The following PALLD variants were observed in gnomAD, a reference collection of about 807,000 sequenced individuals.
PALLD encodes the protein palladin.
A neutral mutation model predicts 123.5 loss-of-function variants in PALLD; 61 were observed. The observed-to-expected ratio is 0.49, with a 90% confidence interval of 0.40 to 0.61. PALLD has a LOEUF of 0.61. PALLD is among the 20% of genes least tolerant of loss of function. The probability of loss-of-function intolerance (pLI) is 0.00; values close to 1 mark genes in which losing one functional copy is unlikely to be tolerated. For missense variants in PALLD, 1,273 were observed against 1,377.0 expected (o/e 0.92, Z 1.20); for synonymous variants, 465 against 496.4 (o/e 0.94, Z 0.84).
At chr4:168,593,460 A>G (rs535176276) in intron 2 of PALLD, among the ~76,000 whole-genome samples, 1 of 149,020 alleles carries the variant, frequency 6.7e-6, no homozygotes, top group African/African-American at 2.5e-5. Context: ...AAAAAGGAAG[A>G]CGAGTCCAAT....
intron 8 of PALLD, among the ~76,000 whole-genome samples, chr4:168,694,523 T>TC (rs1490570803): frequency 6.6e-6 from 1 of 152,160 alleles, no homozygotes; most frequent in Non-Finnish European, 1.5e-5. Flanking sequence ...TCTTTTTATT[T>TC]ATTTTTTCTT....
At chr4:168,542,025 C>G (rs1205982318) in intron 2 of PALLD, among the ~76,000 whole-genome samples, 2 of 152,214 alleles carry the variant, frequency 1.3e-5, no homozygotes, top group East Asian at 3.9e-4. Context: ...TTTGCGTTAT[C>G]ACTATGTGCT....
chr4:168,507,395 C>T (rs1962363), intron 1 of PALLD: 72,239 of 182,198 alleles, frequency 0.4, 15,269 homozygotes, highest in East Asian at 0.55. Flanking sequence ...CACATCTAAT[C>T]GCTGTCTAGG....
chr4:168,706,142 A>T (rs1207012753), intron 8 of PALLD, among the ~76,000 whole-genome samples: 1 of 152,170 alleles, frequency 6.6e-6, no homozygotes, highest in East Asian at 1.9e-4. Context: ...AACTATGCCC[A>T]CTGAACAGCA....
At chr4:168,552,041 A>T (rs1166880403) in intron 2 of PALLD, among the ~76,000 whole-genome samples, 1 of 152,204 alleles carries the variant, frequency 6.6e-6, no homozygotes, top group Admixed American at 6.5e-5. Context: ...CATTAAATAC[A>T]TTAGGTAAAA....
intron 2 of PALLD, among the ~76,000 whole-genome samples, chr4:168,559,180 C>T (rs535350714): frequency 3.0e-4 from 44 of 148,208 alleles, no homozygotes; most frequent in African/African-American, 1.0e-3. Flanking sequence ...AAGATTTTTA[C>T]ACTGTATTTC....
At chr4:168,663,791 T>C (rs1238415829) in intron 2 of PALLD, among the ~76,000 whole-genome samples, 1 of 152,258 alleles carries the variant, frequency 6.6e-6, no homozygotes, top group African/African-American at 2.4e-5. Flanking sequence ...CATGCCATTA[T>C]TTGATATCAA....
At chr4:168,582,087 G>T (rs998243993) in intron 2 of PALLD, among the ~76,000 whole-genome samples, 2 of 151,702 alleles carry the variant, frequency 1.3e-5, no homozygotes, top group African/African-American at 4.8e-5. Flanking sequence ...TTTATTTCTG[G>T]GTTCTCTACT....
Position 168,921,825 on chromosome 4 carries a change from T to C in PALLD, c.3058+84T>C, listed in dbSNP as rs17615157. ...AAACTAATTCTACATTACTAACCAA[T>C]ACGGAAAATAAAGTATTGAAAAAAT... On this transcript the variant is annotated intron_variant, in intron 18 of 21. Transcript: ENST00000505667. 671,907 of 1,061,466 alleles carry C rather than the reference T, an allele frequency of 0.63. 221,919 individuals carry two copies. The highest frequency in any genetic ancestry group is 0.88 in the East Asian group (36,600 of 41,792). The allele number at this position is 1,061,466 out of a possible 1,614,324, so 65.8% of individuals were successfully genotyped here.
At chr4:168,778,658 C>G (rs1376973174) in intron 10 of PALLD, among the ~76,000 whole-genome samples, 1 of 152,100 alleles carries the variant, frequency 6.6e-6, no homozygotes, top group Non-Finnish European at 1.5e-5. Flanking sequence ...CTAAATACCT[C>G]AAAAATTTAA....
intron 10 of PALLD, among the ~76,000 whole-genome samples, chr4:168,795,361 T>C (rs1738339249): frequency 6.6e-6 from 1 of 152,180 alleles, no homozygotes. Flanking sequence ...GAAAAAAGAA[T>C]AGAAAAATCA....
chr4:168,558,047 C>T (rs1767500439), intron 2 of PALLD, among the ~76,000 whole-genome samples: 1 of 152,162 alleles, frequency 6.6e-6, no homozygotes, highest in Admixed American at 6.5e-5. Context: ...ATGCAGAGCC[C>T]TTCGTCTCCT....
intron 10 of PALLD, among the ~76,000 whole-genome samples, chr4:168,716,646 A>T (rs534262255): frequency 2.0e-5 from 3 of 152,196 alleles, no homozygotes; most frequent in Non-Finnish European, 4.4e-5. Flanking sequence ...ATAGCCTATA[A>T]AATCATTCAT....
chr4:168,556,491 A>AT (rs1234829311), intron 2 of PALLD, among the ~76,000 whole-genome samples: 1 of 152,162 alleles, frequency 6.6e-6, no homozygotes, highest in Non-Finnish European at 1.5e-5. Context: ...TATATTTTTC[A>AT]TTTTTTAAAA....
At chr4:168,758,811 A>G (rs1332187127) in intron 10 of PALLD, among the ~76,000 whole-genome samples, 2 of 152,004 alleles carry the variant, frequency 1.3e-5, no homozygotes, top group African/African-American at 4.8e-5. Context: ...TTCTCTCACC[A>G]AGAAATACTA....
At chr4:168,790,576 C>T (rs1737374405) in intron 10 of PALLD, among the ~76,000 whole-genome samples, 1 of 152,086 alleles carries the variant, frequency 6.6e-6, no homozygotes, top group Non-Finnish European at 1.5e-5. Context: ...TATGCTTTCT[C>T]ACTGATTTGA....
intron 10 of PALLD, among the ~76,000 whole-genome samples, chr4:168,734,413 G>A (rs140915181): frequency 9.2e-5 from 14 of 152,234 alleles, no homozygotes; most frequent in African/African-American, 3.1e-4. Flanking sequence ...CATAATCTAT[G>A]TGTCTCCTGT....
At chr4:168,622,561 G>C (rs1052638174) in intron 2 of PALLD, among the ~76,000 whole-genome samples, 1 of 152,150 alleles carries the variant, frequency 6.6e-6, no homozygotes, top group Admixed American at 6.6e-5. Flanking sequence ...GTGGAAACGC[G>C]TATGTTTTCT....
chr4:168,597,578 T>C (rs887714035), intron 2 of PALLD, among the ~76,000 whole-genome samples: 1 of 152,126 alleles, frequency 6.6e-6, no homozygotes, highest in African/African-American at 2.4e-5. Flanking sequence ...GAGTATCATT[T>C]CATGCAACAA....
Sources: gnomAD v4.1 joint callset for allele counts (sites outside exome capture counted in the v4.1 genomes callset) on GRCh38, gnomAD v4.1.1 for gene constraint, MANE v1.5 for transcripts, NCBI Gene and HGNC (gene_info 2026-07-23, HGNC 2026-07-21) for gene names.